The following SPIRE1 variants were observed in gnomAD, a reference collection of about 807,000 sequenced individuals.
SPIRE1 encodes the protein spire type actin nucleation factor 1.
Under a neutral mutation model 94.1 loss-of-function variants are expected in SPIRE1, and 40 were observed. That is an observed-to-expected ratio of 0.43 (90% CI 0.33 to 0.55). The LOEUF (loss-of-function observed/expected upper bound fraction) is 0.55, where lower values mean the gene tolerates loss of function less well. SPIRE1 is among the 20% of genes least tolerant of loss of function. SPIRE1 has a pLI of 0.06. For synonymous variants in SPIRE1, 376 were observed against 371.7 expected, an observed-to-expected ratio of 1.01 and a Z score of -0.13; for missense variants, 838 against 975.2, an observed-to-expected ratio of 0.86 and a Z score of 1.87.
At chr18:12,476,622 C>CAT (rs1400383911) in intron 10 of SPIRE1, among the ~76,000 whole-genome samples, 1 of 132,004 alleles carries the variant, frequency 7.6e-6, no homozygotes, top group Admixed American at 7.8e-5. Flanking sequence ...TATACACACA[C>CAT]ATATATATAC....
At chr18:12,588,783 T>C (rs1413179609) in intron 2 of SPIRE1, among the ~76,000 whole-genome samples, 2 of 152,184 alleles carry the variant, frequency 1.3e-5, no homozygotes, top group Admixed American at 6.5e-5. Context: ...AAATCTTTGT[T>C]TTTTTAACTT....
At chr18:12,548,876 A>G (rs748259553) in intron 2 of SPIRE1, among the ~76,000 whole-genome samples, 8 of 152,116 alleles carry the variant, frequency 5.3e-5, no homozygotes, top group Non-Finnish European at 1.2e-4. Context: ...CGGCCTCTCA[A>G]AGTGCTAGGA....
rs980631023 is a variant in SPIRE1 at position 12,472,351 on chromosome 18, G to A, written c.1404+7348C>T. Among the ~76,000 whole-genome samples, 17 of 149,642 alleles carry A rather than the reference G, an allele frequency of 1.1e-4. 1 individual carries two copies. Among genetic ancestry groups the A allele is most frequent in the African/African-American group, 3.7e-4 (15 of 40,752 alleles). On this transcript the variant is annotated intron_variant, in intron 10 of 16. Transcript: ENST00000409402. ...TAGCTCAATACAAAACCATTATAGC[G>A]ACACCATGCCCTGTGCTTTTTTTTT...
rs1186137430 is a variant in SPIRE1, at chr18:12,448,226, G to A, written c.*1412C>T. 6.6e-6 allele frequency: 1 copy of A among 152,580 alleles called. No homozygotes were observed. Among genetic ancestry groups the A allele is most frequent in the Admixed American group, 6.5e-5 (1 of 15,270 alleles). The allele number at this position is 152,580 out of a possible 1,614,324, so 9.5% of individuals were successfully genotyped here. On this transcript the variant is annotated 3_prime_UTR_variant, in exon 17 of 17. Coordinates refer to ENST00000409402, the MANE Select transcript of SPIRE1 (RefSeq NM_001128626.2). The surrounding 1 kb of genome is among the most constrained non-coding windows in gnomAD (Gnocchi z 4.4). The stretch of plus-strand genomic sequence containing the variant: ...ACCGGAGCAGTTTTGAGGTATTACT[G>A]TTAATTTAGTATAGAAATGTTACTG...
At chr18:12,537,683 CA>C (rs1200527008) in intron 3 of SPIRE1, among the ~76,000 whole-genome samples, 1 of 152,030 alleles carries the variant, frequency 6.6e-6, no homozygotes, top group Non-Finnish European at 1.5e-5. Flanking sequence ...ACATGATTAA[CA>C]AACAAAATCA....
intron 1 of SPIRE1, among the ~76,000 whole-genome samples, chr18:12,637,506 A>G (rs1164709368): frequency 1.3e-5 from 2 of 152,220 alleles, no homozygotes; most frequent in East Asian, 3.8e-4. Context: ...AATGTATTGC[A>G]GCAATGAGCA....
intron 6 of SPIRE1, among the ~76,000 whole-genome samples, chr18:12,504,862 G>A (rs964495186): frequency 3.9e-5 from 6 of 152,290 alleles, no homozygotes; most frequent in Non-Finnish European, 7.4e-5. Flanking sequence ...GTGGCTATGA[G>A]GGAGAGGAGA....
chr18:12,617,016 T>G (rs2037327885), intron 2 of SPIRE1, among the ~76,000 whole-genome samples: 1 of 151,300 alleles, frequency 6.6e-6, no homozygotes, highest in Admixed American at 6.6e-5. Context: ...CCCACCACCA[T>G]GCCCAGCTAA....
At chr18:12,491,818 A>G (rs1007125903) in intron 8 of SPIRE1, among the ~76,000 whole-genome samples, 3 of 152,222 alleles carry the variant, frequency 2.0e-5, no homozygotes, top group Admixed American at 6.5e-5. Context: ...GAGGACAATC[A>G]GTGCTGCTGC....
rs139798909 is a variant in SPIRE1 at position 12,460,636 on chromosome 18, C to T, written c.1638+2715G>A. Among the ~76,000 whole-genome samples the T allele has an allele frequency of 6.0e-3, 907 of 151,524 alleles. 5 individuals carry two copies. Among genetic ancestry groups the T allele is most frequent in the African/African-American group, 0.021 (860 of 41,280 alleles). On this transcript the variant is annotated intron_variant, in intron 12 of 16. Coordinates refer to ENST00000409402, the MANE Select transcript of SPIRE1 (RefSeq NM_001128626.2). Reference sequence around the variant, plus strand: ...CTGAGGCAGGAGAATCGCTTCAATCCGGGAGGCGGAGGTTGTGGTGAATCG... The same window carrying T: ...CTGAGGCAGGAGAATCGCTTCAATCTGGGAGGCGGAGGTTGTGGTGAATCG...
chr18:12,643,038 A>G (rs2038128242), intron 1 of SPIRE1, among the ~76,000 whole-genome samples: 1 of 152,192 alleles, frequency 6.6e-6, no homozygotes, highest in African/African-American at 2.4e-5. Flanking sequence ...TAACTTACAA[A>G]ACTCATTACA....
chr18:12,569,137 G>A (rs1567940021), intron 2 of SPIRE1, among the ~76,000 whole-genome samples: 1 of 152,104 alleles, frequency 6.6e-6, no homozygotes, highest in Non-Finnish European at 1.5e-5. Context: ...TCAGGAGATC[G>A]AGACCATCCT....
upstream of SPIRE1, chr18:12,661,269 T>C (rs778633032): frequency 1.8e-5 from 10 of 567,920 alleles, no homozygotes; most frequent in African/African-American, 2.0e-5. Context: ...GATCACGCCA[T>C]TGCACCCCAG....
At chr18:12,452,116 G>T in intron 16 of SPIRE1, 139 bp downstream of exon 16, 1 of 956,452 alleles carries the variant, frequency 1.0e-6, no homozygotes, top group African/African-American at 1.6e-5. Context: ...TTGGAGATTT[G>T]TGTGTAAAAC....
At chr18:12,475,123 G>A (rs746888910) in intron 10 of SPIRE1, among the ~76,000 whole-genome samples, 6 of 152,134 alleles carry the variant, frequency 3.9e-5, no homozygotes, top group African/African-American at 4.8e-5. Context: ...GGGAAGGCAC[G>A]GGAGAAATAC....
At chr18:12,627,422 T>C (rs1466025665) in intron 2 of SPIRE1, among the ~76,000 whole-genome samples, 1 of 152,210 alleles carries the variant, frequency 6.6e-6, no homozygotes, top group African/African-American at 2.4e-5. Flanking sequence ...TAGTATTCCA[T>C]GGTGTGTATG....
intron 2 of SPIRE1, among the ~76,000 whole-genome samples, chr18:12,625,926 C>T (rs2037608970): frequency 6.6e-6 from 1 of 151,932 alleles, no homozygotes. Context: ...GCCTGTAATC[C>T]CAGCTACTCA....
At chr18:12,616,058 G>A (rs935164005) in intron 2 of SPIRE1, among the ~76,000 whole-genome samples, 1 of 152,188 alleles carries the variant, frequency 6.6e-6, no homozygotes, top group Non-Finnish European at 1.5e-5. Context: ...CAGGAATAGA[G>A]GTATTAACAA....
intron 1 of SPIRE1, among the ~76,000 whole-genome samples, chr18:12,655,026 C>CAA (rs71371285): frequency 4.6e-4 from 63 of 137,682 alleles, no homozygotes; most frequent in Non-Finnish European, 7.3e-4. Context: ...GACTCCATCT[C>CAA]AAAAAAAAAA....
Sources: allele counts gnomAD v4.1 joint callset (sites outside exome capture counted in the v4.1 genomes callset), GRCh38; gene constraint gnomAD v4.1.1; non-coding constraint Gnocchi (gnomAD v3.1); transcripts MANE v1.5; gene names NCBI Gene and HGNC (gene_info 2026-07-23, HGNC 2026-07-21).